Variants in UBE2E2 observed in about 807,000 individuals in gnomAD.
UBE2E2 encodes ubiquitin-conjugating enzyme E2 E2.
A neutral mutation model predicts 24.7 loss-of-function variants in UBE2E2; 6 were observed. The observed-to-expected ratio is 0.24, with a 90% CI of 0.13 to 0.48. The LOEUF is 0.48. Among genes scored for constraint, UBE2E2 ranks in the 20% least tolerant of loss-of-function variants. The pLI is 0.99. For synonymous variants in UBE2E2, 104 were observed against 83.6 expected (o/e 1.24, Z -1.33); for missense variants, 169 against 245.0 (o/e 0.69, Z 2.07).
chr3:23,286,608 G>C (rs892063029), intron 3 of UBE2E2, among the ~76,000 whole-genome samples: 2 of 152,102 alleles, frequency 1.3e-5, no homozygotes, highest in Non-Finnish European at 2.9e-5. Context: ...TGTTGCTTTT[G>C]CTTAGAATAG....
chr3:23,436,954 C>T (rs1470114244), intron 3 of UBE2E2, among the ~76,000 whole-genome samples: 7 of 152,222 alleles, frequency 4.6e-5, no homozygotes, highest in Admixed American at 2.6e-4. Flanking sequence ...TAGCTGGTTT[C>T]TGCCATTGAC....
At chr3:23,432,854 TAAC>T (rs1698093736) in intron 3 of UBE2E2, among the ~76,000 whole-genome samples, 1 of 151,818 alleles carries the variant, frequency 6.6e-6, no homozygotes, top group Non-Finnish European at 1.5e-5. Flanking sequence ...AATAAACTAT[TAAC>T]ATATTAACAG....
chr3:23,247,911 A>G (rs776900248), intron 3 of UBE2E2, among the ~76,000 whole-genome samples: 5 of 152,230 alleles, frequency 3.3e-5, no homozygotes, highest in Non-Finnish European at 7.3e-5. Flanking sequence ...TAGCAACTCT[A>G]AAGACTGAGT....
chr3:23,303,591 C>A (rs1232013108), intron 3 of UBE2E2, among the ~76,000 whole-genome samples: 1 of 152,076 alleles, frequency 6.6e-6, no homozygotes, highest in Non-Finnish European at 1.5e-5. Flanking sequence ...AAACATTACT[C>A]TTAGGTAATA....
intron 3 of UBE2E2, among the ~76,000 whole-genome samples, chr3:23,279,187 G>T (rs1018945315): frequency 6.6e-6 from 1 of 152,154 alleles, no homozygotes; most frequent in African/African-American, 2.4e-5. Flanking sequence ...TAAATGGACA[G>T]ATTTGGCTTA....
chr3:23,318,971 AG>A (rs1189337180), intron 3 of UBE2E2, among the ~76,000 whole-genome samples: 2 of 152,186 alleles, frequency 1.3e-5, no homozygotes, highest in Non-Finnish European at 2.9e-5. Flanking sequence ...CATCTTTTCC[AG>A]TGTTCCTTTT....
intron 4 of UBE2E2, among the ~76,000 whole-genome samples, chr3:23,515,726 G>A (rs1057498755): frequency 1.1e-4 from 17 of 152,008 alleles, no homozygotes; most frequent in African/African-American, 3.9e-4. Context: ...AGAGGCTGAG[G>A]TGGGAGGATC....
chr3:23,335,244 A>G (rs1336935731), intron 3 of UBE2E2, among the ~76,000 whole-genome samples: 2 of 152,182 alleles, frequency 1.3e-5, no homozygotes, highest in Admixed American at 6.5e-5. Context: ...TGATGGGGGT[A>G]AAAATTAAAG....
chr3:23,463,969 A>C (rs141881253), intron 3 of UBE2E2, among the ~76,000 whole-genome samples: 2 of 152,302 alleles, frequency 1.3e-5, no homozygotes, highest in East Asian at 3.9e-4. Context: ...GAACATATGA[A>C]CTGTGACATT....
chr3:23,213,741 TA>T (rs1373285986), intron 2 of UBE2E2, among the ~76,000 whole-genome samples: 1 of 152,180 alleles, frequency 6.6e-6, no homozygotes, highest in East Asian at 1.9e-4. Context: ...CTTACCAGCG[TA>T]AAATAATTAG....
At chr3:23,233,871 T>C (rs932223258) in intron 3 of UBE2E2, among the ~76,000 whole-genome samples, 4 of 152,212 alleles carry the variant, frequency 2.6e-5, no homozygotes, top group Non-Finnish European at 4.4e-5. Flanking sequence ...GATGGTATTT[T>C]GAATATATTA....
chr3:23,291,096 C>T (rs1292097811), intron 3 of UBE2E2, among the ~76,000 whole-genome samples: 2 of 147,632 alleles, frequency 1.4e-5, no homozygotes, highest in East Asian at 2.0e-4. Context: ...AAACGTGAGC[C>T]TAGGGCTGCT....
chr3:23,432,773 A>T (rs975658170), intron 3 of UBE2E2, among the ~76,000 whole-genome samples: 1 of 151,964 alleles, frequency 6.6e-6, no homozygotes. Flanking sequence ...TCATTTCCAG[A>T]TAACAGTCAC....
At chr3:23,273,555 T>C (rs1461021421) in intron 3 of UBE2E2, among the ~76,000 whole-genome samples, 2 of 148,758 alleles carry the variant, frequency 1.3e-5, no homozygotes, top group African/African-American at 5.0e-5. Context: ...GAGAGAGAAA[T>C]GATGTACAGC....
At chr3:23,366,936 T>C (rs7631334) in intron 3 of UBE2E2, among the ~76,000 whole-genome samples, 67,365 of 152,016 alleles carry the variant, frequency 0.44, 15,220 homozygotes, top group Admixed American at 0.56. Context: ...TGTTTATTGG[T>C]ATTTTTTGTA....
At chr3:23,327,964 G>C (rs1694948961) in intron 3 of UBE2E2, among the ~76,000 whole-genome samples, 1 of 152,072 alleles carries the variant, frequency 6.6e-6, no homozygotes, top group South Asian at 2.1e-4. Flanking sequence ...TTTGCAATAA[G>C]TATACAATAA....
intron 3 of UBE2E2, among the ~76,000 whole-genome samples, chr3:23,465,567 T>C (rs1475451859): frequency 6.6e-6 from 1 of 152,202 alleles, no homozygotes; most frequent in African/African-American, 2.4e-5. Context: ...GGTTACACAG[T>C]GGCCAAATTG....
At chr3:23,531,158 T>C (rs17013418) in intron 4 of UBE2E2, among the ~76,000 whole-genome samples, 4,402 of 152,270 alleles carry the variant, frequency 0.029, 109 homozygotes, top group East Asian at 0.13. Flanking sequence ...GATTTGCCCT[T>C]TCTGAGACTT....
intron 3 of UBE2E2, among the ~76,000 whole-genome samples, chr3:23,445,070 G>C (rs1698396638): frequency 6.6e-6 from 1 of 152,070 alleles, no homozygotes; most frequent in African/African-American, 2.4e-5. Context: ...ATGTCATATT[G>C]AGTGGTTGTC....
Sources: gnomAD v4.1 joint callset for allele counts (sites outside exome capture counted in the v4.1 genomes callset) on GRCh38, gnomAD v4.1.1 for gene constraint, MANE v1.5 for transcripts, NCBI Gene and HGNC (gene_info 2026-07-23, HGNC 2026-07-21) for gene names.